Variants in SLC24A5 observed in about 807,000 individuals in gnomAD.
SLC24A5 encodes solute carrier family 24 member 5.
SLC24A5 carries 46 observed loss-of-function variants against 51.6 expected under a neutral mutation model. That is an observed-to-expected ratio of 0.89 (90% confidence interval 0.70 to 1.14). SLC24A5 has a LOEUF of 1.14. SLC24A5 is among the 50% of genes most tolerant of loss of function. The pLI is 0.00. For missense variants in SLC24A5, 581 were observed against 604.1 expected (o/e 0.96, Z 0.40); for synonymous variants, 230 against 214.9 (o/e 1.07, Z -0.62).
intron 6 of SLC24A5, 71 bp from the exon 7 acceptor site, chr15:48,138,898 T>C (rs546706720): frequency 1.7e-6 from 2 of 1,152,822 alleles, no homozygotes; most frequent in East Asian, 2.4e-5. Flanking sequence ...CAATATAACT[T>C]TCTAAATAGG....
intron 2 of SLC24A5, among the ~76,000 whole-genome samples, chr15:48,126,861 T>A (rs2140711689): frequency 6.6e-6 from 1 of 152,354 alleles, no homozygotes; most frequent in East Asian, 1.9e-4. Flanking sequence ...CATCACTTTG[T>A]AGTCCTATCT....
Position 48,139,038 on chromosome 15 carries a change from T to C in SLC24A5, c.941T>C (p.Ile314Thr), listed in dbSNP as rs2038974054. The C allele has an allele frequency of 1.9e-6, 3 of 1,613,150 alleles. No homozygotes were observed. Among genetic ancestry groups the C allele is most frequent in the Non-Finnish European group, 2.5e-6 (3 of 1,179,324 alleles). Residue 314 changes from isoleucine (I) to threonine (T), a missense_variant, in exon 7 of 9, where the codon ATT becomes ACT. Ile to Thr is a moderately conservative substitution (Grantham distance 89, BLOSUM62 -1). Transcript: ENST00000341459. ...ATTTTTTGGGTATTATCCCTTCCTA[T>C]TATTACATTACTTTTTCTAACCACA... ...KRIFWVLSLP[I>T]ITLLFLTTPD...
intron 2 of SLC24A5, chr15:48,124,244 A>G (rs2038709074): frequency 6.6e-6 from 1 of 151,980 alleles, no homozygotes; most frequent in African/African-American, 2.4e-5. Context: ...TACATGCAGG[A>G]TTTTTTAAAA....
At position 48,142,381 on chromosome 15, in the gene SLC24A5, G is replaced by A; in HGVS notation, c.*30G>A. On this transcript the variant is annotated 3_prime_UTR_variant, in exon 9 of 9. Transcript: ENST00000341459. ...ATTAATAGTGTTATGCAGAAAATAT[G>A]AATGGCAGGGAGGGGCAGAGAGAAA... 1 of 1,387,510 alleles carries A rather than the reference G, an allele frequency of 7.2e-7. No homozygotes were observed. The highest frequency in any genetic ancestry group is 1.4e-5 in the African/African-American group (1 of 69,356). The allele number at this position is 1,387,510 out of a possible 1,614,324, so 85.9% of individuals were successfully genotyped here. A position where few individuals can be genotyped will look rare whatever the true frequency, so the allele number is the denominator to read the frequency against.
chr15:48,123,879 A>G (rs539111399), intron 2 of SLC24A5: 61 of 152,206 alleles, frequency 4.0e-4, no homozygotes, highest in African/African-American at 1.4e-3. Flanking sequence ...ATTTTATAAA[A>G]TTTGTGTTTA....
In SLC24A5 at chr15:48,142,213, A is replaced by G. The variant is rs1296434873; in HGVS notation, c.1365A>G (p.Ala455=). ...LNISIIFLFL[A]VHFNGWKLDR... ...TTTCAATTATTTTTCTTTTTTTAGC[A>G]GTTCACTTCAATGGCTGGAAACTAG... Residue 455 remains alanine, a synonymous_variant, in exon 9 of 9, where the codon GCA becomes GCG. Coordinates refer to ENST00000341459, the MANE Select transcript of SLC24A5 (RefSeq NM_205850.3). 11 of 1,613,804 alleles carry G rather than the reference A, an allele frequency of 6.8e-6. No individual in the cohort carries two copies. The highest frequency in any genetic ancestry group is 9.3e-6 in the Non-Finnish European group (11 of 1,179,860).
At chr15:48,136,474 AC>A (rs1010458839) in intron 5 of SLC24A5, 26 of 395,450 alleles carry the variant, frequency 6.6e-5, no homozygotes, top group Non-Finnish European at 8.7e-5. Context: ...AAAAAAAAAA[AC>A]AACACAGAAG....
chr15:48,124,019 T>C (rs1303057952), intron 2 of SLC24A5: 1 of 152,154 alleles, frequency 6.6e-6, no homozygotes, highest in Admixed American at 6.5e-5. Context: ...ACTTTAAAAA[T>C]ATATAAGGAT....
chr15:48,121,458 T>A (rs1343640354), intron 1 of SLC24A5, among the ~76,000 whole-genome samples: 1 of 152,162 alleles, frequency 6.6e-6, no homozygotes, highest in Non-Finnish European at 1.5e-5. Flanking sequence ...TCTGCAACAG[T>A]GGATGGATTC....
At chr15:48,123,258 A>G (rs971913548) in intron 2 of SLC24A5, 8 of 151,888 alleles carry the variant, frequency 5.3e-5, no homozygotes, top group Non-Finnish European at 1.2e-4. Context: ...CATCTTATAT[A>G]TAATTGATAT....
rs747550107 is a variant in SLC24A5 at position 48,142,047 on chromosome 15, T to C, written c.1199T>C (p.Met400Thr). The C allele has an allele frequency of 3.7e-6, 6 of 1,611,468 alleles. No individual in the cohort carries two copies. The highest frequency in any genetic ancestry group is 3.4e-6 in the Non-Finnish European group (4 of 1,178,258). Residue 400 changes from methionine to threonine, a missense_variant, in exon 9 of 9, where the codon ATG becomes ACG. Physicochemically the swap from Met to Thr is moderately conservative, Grantham distance 81. Transcript: ENST00000341459. ...TTTGTAGGGAAAGGAGATATGGCTATGTCTAACATCGTGGGATCCAATGTG... is the reference window on the plus strand; with the variant it reads ...TTTGTAGGGAAAGGAGATATGGCTACGTCTAACATCGTGGGATCCAATGTG... ...VARKGKGDMA[M>T]SNIVGSNVFD... is the part of the protein sequence containing the mutation.
intron 1 of SLC24A5, 60 bp downstream of exon 1, chr15:48,121,225 T>C: frequency 6.5e-7 from 1 of 1,528,902 alleles, no homozygotes; most frequent in East Asian, 2.3e-5. Context: ...TGCTACCACA[T>C]ACAGATGAAG....
chr15:48,136,447 G>A (rs2038901337), intron 5 of SLC24A5: 1 of 353,092 alleles, frequency 2.8e-6, no homozygotes, highest in Non-Finnish European at 5.0e-6. Flanking sequence ...AAACGAGTTT[G>A]TTGATCTTGT....
chr15:48,130,216 T>C (rs761568204), intron 2 of SLC24A5, among the ~76,000 whole-genome samples: 2 of 152,004 alleles, frequency 1.3e-5, no homozygotes, highest in South Asian at 2.1e-4. Context: ...AAAAGAATAA[T>C]AGCTATGGGA....
At chr15:48,124,544 G>T (rs1162036507) in intron 2 of SLC24A5, 1 of 151,918 alleles carries the variant, frequency 6.6e-6, no homozygotes, top group Non-Finnish European at 1.5e-5. Flanking sequence ...ACTGAACAAT[G>T]ACATGACTGA....
chr15:48,139,226 A>C, intron 7 of SLC24A5, 51 bp downstream of exon 7: 1 of 1,473,764 alleles, frequency 6.8e-7, no homozygotes. Context: ...ATATAAGAAC[A>C]AATTGCATAT....
At chr15:48,141,281 A>C in intron 8 of SLC24A5, 67 bp downstream of exon 8, 2 of 1,333,666 alleles carry the variant, frequency 1.5e-6, no homozygotes, top group South Asian at 1.2e-5. Flanking sequence ...AAGTAGCTTT[A>C]AAAATGTTTA....
At chr15:48,133,970 T>C (rs1029105772) in intron 2 of SLC24A5, among the ~76,000 whole-genome samples, 1 of 152,140 alleles carries the variant, frequency 6.6e-6, no homozygotes, top group East Asian at 1.9e-4. Flanking sequence ...GCTACTCACC[T>C]ACAAGCCCTC....
rs562133637 is a variant in SLC24A5, at chr15:48,136,798, G to T, written c.706G>T (p.Ala236Ser). The T allele has an allele frequency of 1.2e-6, 2 of 1,613,794 alleles. No homozygotes were observed. The highest frequency in any genetic ancestry group is 1.7e-6 in the Non-Finnish European group (2 of 1,179,830). The change falls in exon 6 of 9, where the codon GCC becomes TCC. Residue 236 changes from alanine (A) to serine (S), a missense_variant. Ala to Ser is a moderately conservative substitution (Grantham distance 99, BLOSUM62 1). Transcript: ENST00000341459. ...KKCSPCCACL[A>S]KAMERSEQQP... ...ATGCAGTCCTTGCTGCGCCTGTCTT[G>T]CCAAAGCTATGGAGAGAAGTGAACA... is the stretch of plus-strand genomic sequence containing the variant.
Sources: gnomAD v4.1 joint callset for allele counts (sites outside exome capture counted in the v4.1 genomes callset) on GRCh38, gnomAD v4.1.1 for gene constraint, MANE v1.5 for transcripts, NCBI Gene and HGNC (gene_info 2026-07-23, HGNC 2026-07-21) for gene names.